Variants in SELP observed in about 807,000 individuals in gnomAD.
SELP encodes the protein selectin P.
A neutral mutation model predicts 104.1 loss-of-function variants in SELP; 92 were observed. That is an observed-to-expected ratio of 0.88 (90% CI 0.75 to 1.05). SELP has a LOEUF of 1.05. SELP is among the 50% of genes least tolerant of loss of function. The probability of loss-of-function intolerance (pLI) is 0.00; values close to 1 mark genes in which losing one functional copy is unlikely to be tolerated. For missense variants in SELP, 1,022 were observed against 1,017.3 expected (o/e 1.00, Z -0.06); for synonymous variants, 397 against 364.5 (o/e 1.09, Z -1.01).
chr1:169,625,287 T>C (rs1267977872), intron 1 of SELP, among the ~76,000 whole-genome samples: 1 of 152,222 alleles, frequency 6.6e-6, no homozygotes, highest in Admixed American at 6.5e-5. Context: ...TCTGCTCTAA[T>C]GTTTGAGAAA....
At chr1:169,598,007 A>C (rs1413035718) in intron 10 of SELP, among the ~76,000 whole-genome samples, 1 of 152,168 alleles carries the variant, frequency 6.6e-6, no homozygotes, top group African/African-American at 2.4e-5. Context: ...CTTCTACTGG[A>C]TGGGAAAGTG....
Position 169,589,326 on chromosome 1 carries a change from G to C in SELP, c.*137C>G, listed in dbSNP as rs937106049. The C allele has an allele frequency of 6.6e-6, 1 of 152,170 alleles. No homozygotes were observed. Among genetic ancestry groups the C allele is most frequent in the Non-Finnish European group, 1.5e-5 (1 of 68,114 alleles). 9.4% of individuals were successfully genotyped at this position (152,170 alleles called of 1,614,324 possible). ...GAGAAGAGGTGGGACAGGAAGGGGT[G>C]GTAGGTTGAGAATTTGAGATTGTAC... On this transcript the variant is annotated 3_prime_UTR_variant, in exon 17 of 17. Transcript: ENST00000263686.
intron 9 of SELP, among the ~76,000 whole-genome samples, chr1:169,605,340 T>C (rs112288641): frequency 5.3e-4 from 80 of 152,300 alleles, no homozygotes; most frequent in Middle Eastern, 6.8e-3. Flanking sequence ...CACCCAACCC[T>C]AAGTCCAGGG....
rs577125867 is a variant in SELP at position 169,625,424 on chromosome 1, A to G, written c.3+4648T>C. On this transcript the variant is annotated intron_variant, in intron 1 of 16. Coordinates refer to ENST00000263686, the MANE Select transcript of SELP (RefSeq NM_003005.4). ...ATTCTTCTGCTTTCCTGGGAAGTAAAGATGACCTCCTTATGGTCATCTGTT... is the reference window on the plus strand; with the variant it reads ...ATTCTTCTGCTTTCCTGGGAAGTAAGGATGACCTCCTTATGGTCATCTGTT... Among the ~76,000 whole-genome samples, 4 of 152,280 alleles carry G rather than the reference A, an allele frequency of 2.6e-5. No individual in the cohort carries two copies. The East Asian group carries it at 7.7e-4, about 29-fold the overall frequency.
Position 169,617,431 on chromosome 1 carries a change from T to G in SELP, c.95-17A>C, listed in dbSNP as rs3917704. On this transcript the variant is annotated splice_polypyrimidine_tract_variant and intron_variant, in intron 2 of 16. Transcript: ENST00000263686. ...TTGTTAGTTCTAGAGTAAAGGAGAG[T>G]GAGTGCCAGGTTAGTACCCCTCACC... The G allele has an allele frequency of 1.4e-3, 2,327 of 1,610,278 alleles. 32 individuals are homozygous for G. In the African/African-American group the frequency reaches 0.027, roughly 19 times the overall value.
chr1:169,607,057 G>T lies in SELP; in HGVS notation c.1411C>A (p.Gln471Lys). The T allele has an allele frequency of 6.2e-7, 1 of 1,613,412 alleles. No individual in the cohort carries two copies. The highest frequency in any genetic ancestry group is 8.5e-7 in the Non-Finnish European group (1 of 1,179,482). The change falls in exon 9 of 17, where the codon CAG (glutamine) becomes AAG (lysine). Residue 471 changes from glutamine to lysine, a missense_variant. Coordinates refer to ENST00000263686, the MANE Select transcript of SELP (RefSeq NM_003005.4). ...CSHPFGAFRY[Q>K]SVCSFTCNEG... The stretch of plus-strand genomic sequence containing the variant: ...TTGCAGGTGAAGCTGCAGACTGACT[G>T]GTACCTAAAGGCACCGAAGGGGTGG...
At chr1:169,593,923 C>T (rs1342801320) in intron 13 of SELP, among the ~76,000 whole-genome samples, 199 bp from the exon 14 acceptor site, 1 of 152,084 alleles carries the variant, frequency 6.6e-6, no homozygotes, top group Non-Finnish European at 1.5e-5. Flanking sequence ...GGAAGTGGGG[C>T]CTTATTTTAT....
intron 1 of SELP, among the ~76,000 whole-genome samples, chr1:169,626,576 A>G (rs1663384989): frequency 6.6e-6 from 1 of 152,208 alleles, no homozygotes; most frequent in Non-Finnish European, 1.5e-5. Context: ...GGGAGATCCT[A>G]GAGGTTAACT....
intron 4 of SELP, 68 bp downstream of exon 4, chr1:169,613,518 A>G (rs1442480306): frequency 4.9e-6 from 6 of 1,226,938 alleles, no homozygotes; most frequent in Admixed American, 1.8e-5. Context: ...CTTCAACATG[A>G]TTTATTTACT....
chr1:169,612,624 C>T (rs1360250732), intron 5 of SELP, among the ~76,000 whole-genome samples: 1 of 152,128 alleles, frequency 6.6e-6, no homozygotes, highest in Non-Finnish European at 1.5e-5. Flanking sequence ...TAATTCTTAA[C>T]CCCTAAGTCC....
chr1:169,615,247 A>G (rs920210762), intron 3 of SELP, among the ~76,000 whole-genome samples: 15 of 152,158 alleles, frequency 9.9e-5, no homozygotes, highest in African/African-American at 3.4e-4. Context: ...CTCATCTCCC[A>G]TGGATAATTG....
At chr1:169,590,042 C>A in intron 16 of SELP, 105 bp downstream of exon 16, 1 of 773,710 alleles carries the variant, frequency 1.3e-6, no homozygotes, top group South Asian at 1.8e-5. Context: ...TTAATACATA[C>A]TTAAAATTTA....
intron 8 of SELP, 102 bp downstream of exon 8, chr1:169,609,402 C>T: frequency 8.5e-7 from 1 of 1,173,078 alleles, no homozygotes; most frequent in South Asian, 1.5e-5. Context: ...AGTAGGTTCT[C>T]AGTGAATATC....
At chr1:169,601,476 A>G (rs971369464) in intron 10 of SELP, among the ~76,000 whole-genome samples, 61 of 152,354 alleles carry the variant, frequency 4.0e-4, no homozygotes, top group African/African-American at 1.4e-3. Flanking sequence ...ACAGGAAGGA[A>G]TAAATAATAT....
At chr1:169,615,301 TC>T (rs1488858462) in intron 3 of SELP, among the ~76,000 whole-genome samples, 1 of 152,174 alleles carries the variant, frequency 6.6e-6, no homozygotes, top group African/African-American at 2.4e-5. Context: ...AAAACGACAA[TC>T]AATGGTAGTG....
chr1:169,608,919 A>G (rs1662342465), intron 8 of SELP, among the ~76,000 whole-genome samples: 2 of 152,192 alleles, frequency 1.3e-5, no homozygotes, highest in African/African-American at 4.8e-5. Context: ...AGAGCAAAAG[A>G]TTAGAAACCT....
At chr1:169,617,461 A>G in intron 2 of SELP, 47 bp from the exon 3 acceptor site, 10 of 1,575,838 alleles carry the variant, frequency 6.3e-6, no homozygotes, top group South Asian at 1.2e-5. Context: ...CTCACCAAAA[A>G]AGAGGCCGTG....
chr1:169,608,991 C>T (rs1662348808), intron 8 of SELP, among the ~76,000 whole-genome samples: 1 of 152,108 alleles, frequency 6.6e-6, no homozygotes, highest in Admixed American at 6.5e-5. Flanking sequence ...TATAAGGTAA[C>T]ATGTCATCAT....
At chr1:169,591,646 G>A (rs960469290) in intron 14 of SELP, 190 bp from the exon 15 acceptor site, 4 of 429,372 alleles carry the variant, frequency 9.3e-6, no homozygotes, top group Admixed American at 4.4e-5. Flanking sequence ...TTAAACATTC[G>A]ACAATATTTA....
Sources: gnomAD v4.1 joint callset for allele counts (sites outside exome capture counted in the v4.1 genomes callset) on GRCh38, gnomAD v4.1.1 for gene constraint, MANE v1.5 for transcripts, NCBI Gene and HGNC (gene_info 2026-07-23, HGNC 2026-07-21) for gene names.